TBC1D17: variants seen among roughly 807,000 people sequenced by gnomAD.
TBC1D17 encodes TBC1 domain family member 17.
Under a neutral mutation model 78.8 loss-of-function variants are expected in TBC1D17, and 69 were observed. The ratio of observed to expected loss-of-function variants is 0.88; its 90% confidence interval spans 0.72 to 1.07. The LOEUF is 1.07. TBC1D17 is among the 50% of genes least tolerant of loss of function. TBC1D17 has a pLI of 0.00. For missense variants in TBC1D17, 957 were observed against 861.0 expected (o/e 1.11, Z -1.39); for synonymous variants, 456 against 358.3 (o/e 1.27, Z -3.08).
rs913989839 is a variant in TBC1D17, at chr19:49,888,283, C to G, written c.1712C>G (p.Ala571Gly). Residue 571 changes from alanine (A) to glycine (G), a missense_variant, in exon 16 of 17, where the codon GCC (alanine) becomes GGC (glycine). Ala to Gly is a moderately conservative substitution (Grantham distance 60). Transcript: ENST00000221543. ...KLSVEDVLTR[A>G]EALHRQLTAC... Reference sequence around the variant, plus strand: ...AGCGTGGAGGACGTGCTGACCCGCGCCGAGGCCCTGCACCGCCAGCTAACC... The same window carrying G: ...AGCGTGGAGGACGTGCTGACCCGCGGCGAGGCCCTGCACCGCCAGCTAACC... 4 of 1,592,810 alleles carry G rather than the reference C, an allele frequency of 2.5e-6. No homozygotes were observed. The South Asian group carries it at 4.6e-5, about 18-fold the overall frequency.
chr19:49,888,718 C>A lies in TBC1D17; in HGVS notation c.*94C>A. ...TGTGCTCCGCCGCCCTGCTGATAAG[C>A]TGGCTTCATTAAACTGACACTTCTC... is the stretch of plus-strand genomic sequence containing the variant. On this transcript the variant is annotated 3_prime_UTR_variant, in exon 17 of 17. Transcript: ENST00000221543. The A allele has an allele frequency of 1.7e-6, 2 of 1,192,098 alleles. No homozygotes were observed. Among genetic ancestry groups the A allele is most frequent in the Non-Finnish European group, 2.3e-6 (2 of 875,212 alleles). The allele number at this position is 1,192,098 out of a possible 1,614,324, so 73.8% of individuals were successfully genotyped here.
intron 4 of TBC1D17, 150 bp from the exon 5 acceptor site, chr19:49,881,118 C>T: frequency 1.5e-6 from 1 of 657,298 alleles, no homozygotes; most frequent in Non-Finnish European, 2.6e-6. Flanking sequence ...CTCATTTGTG[C>T]TTCCAAGGAA....
chr19:49,887,259 G>A, intron 13 of TBC1D17: 1 of 559,948 alleles, frequency 1.8e-6, no homozygotes, highest in Non-Finnish European at 3.2e-6. Context: ...CATGTCCATG[G>A]CAGATGTGGA....
At position 49,884,550 on chromosome 19, in the gene TBC1D17, G is replaced by A. The variant is rs1465487739; in HGVS notation, c.1335G>A (p.Met445Ile). Residue 445 changes from methionine to isoleucine, a missense_variant, in exon 12 of 17, where the codon ATG becomes ATA. Met to Ile is a conservative substitution (Grantham distance 10). Coordinates refer to ENST00000221543, the MANE Select transcript of TBC1D17 (RefSeq NM_024682.3). ...VDAFWCFCGF[M>I]ELVQGNFEES... The stretch of plus-strand genomic sequence containing the variant: ...CTTTCTGGTGTTTCTGTGGCTTCAT[G>A]GAGCTCGTGGTGAGGCTTGGGTCAG... 1.2e-6 allele frequency: 2 copies of A among 1,614,066 alleles called. No homozygotes were observed. Among genetic ancestry groups the A allele is most frequent in the East Asian group, 2.2e-5 (1 of 44,904 alleles).
rs781414187 is a variant in TBC1D17 at position 49,882,969 on chromosome 19, C to T, written c.928-4C>T. On this transcript the variant is annotated splice_region_variant and splice_polypyrimidine_tract_variant and intron_variant, in intron 8 of 16. Transcript: ENST00000221543. The stretch of plus-strand genomic sequence containing the variant: ...CTGAGCTGCCTGCCCTCCTGCACCC[C>T]CAGGGTCTGAGCCCCAGCCTGCGGC... 9 of 1,607,312 alleles carry T rather than the reference C, an allele frequency of 5.6e-6. No homozygotes were observed. In the East Asian group the frequency reaches 1.8e-4, roughly 32 times the overall value.
Position 49,884,518 on chromosome 19 carries a change from G to T in TBC1D17, c.1303G>T (p.Val435Leu). 3.1e-6 allele frequency: 5 copies of T among 1,614,204 alleles called. No individual in the cohort carries two copies. Among genetic ancestry groups the T allele is most frequent in the Non-Finnish European group, 4.2e-6 (5 of 1,180,046 alleles). ...SPILYVIQNE[V>L]DAFWCFCGFM... ...GATCCTCTACGTCATTCAGAACGAGGTGGATGCTTTCTGGTGTTTCTGTGG... is the reference window on the plus strand; with the variant it reads ...GATCCTCTACGTCATTCAGAACGAGTTGGATGCTTTCTGGTGTTTCTGTGG... Residue 435 changes from valine to leucine, a missense_variant, in exon 12 of 17, where the codon GTG becomes TTG. Coordinates refer to ENST00000221543, the MANE Select transcript of TBC1D17 (RefSeq NM_024682.3).
Position 49,882,655 on chromosome 19 carries a change from T to G in TBC1D17, c.799-109T>G, listed in dbSNP as rs112778500. 4.3e-5 allele frequency: 61 copies of G among 1,427,544 alleles called. No homozygotes were observed. The Admixed American group carries it at 5.8e-4, about 14-fold the overall frequency. The allele number at this position is 1,427,544 out of a possible 1,614,324, so 88.4% of individuals were successfully genotyped here. A position where few individuals can be genotyped will look rare whatever the true frequency, so the allele number is the denominator to read the frequency against. On this transcript the variant is annotated intron_variant, in intron 7 of 16. Coordinates refer to ENST00000221543, the MANE Select transcript of TBC1D17 (RefSeq NM_024682.3). ...GAAGAGGCTGCTGCCTGCCCCTGAA[T>G]GTTAGTCATCCGTCAAGCTAATAAG... is the stretch of plus-strand genomic sequence containing the variant.
At position 49,883,062 on chromosome 19, in the gene TBC1D17, C is replaced by T; in HGVS notation, c.1017C>T (p.His339=). 1 of 1,608,344 alleles carries T rather than the reference C, an allele frequency of 6.2e-7. No homozygotes were observed. Among genetic ancestry groups the T allele is most frequent in the Non-Finnish European group, 8.5e-7 (1 of 1,177,064 alleles). ...GCACAGCTGAGGAGCACAAGGCCCA[C>T]ATACGCAAGAAAACGTGAGTTCTCA... is the stretch of plus-strand genomic sequence containing the variant. ...WEGTAEEHKA[H]IRKKTDEYFR... The change falls in exon 9 of 17, where the codon CAC becomes CAT. Residue 339 remains histidine (H), a synonymous_variant. Transcript: ENST00000221543.
In TBC1D17 at chr19:49,881,327, A is replaced by G; in HGVS notation, c.379A>G (p.Lys127Glu). 1 of 1,613,138 alleles carries G rather than the reference A, an allele frequency of 6.2e-7. No homozygotes were observed. Among genetic ancestry groups the G allele is most frequent in the South Asian group, 1.1e-5 (1 of 91,078 alleles). The change falls in exon 5 of 17, where the codon AAG (lysine) becomes GAG (glutamate). Residue 127 changes from lysine to glutamate, a missense_variant. Transcript: ENST00000221543. The part of the protein sequence containing the change: ...WAFSVSLGEL[K>E]SIRRSKPGLS... ...CTTCTCAGTGAGTCTGGGGGAGCTA[A>G]AGTCCATCCGCCGCTCCAAGCCAGG...
Position 49,888,595 on chromosome 19 carries a change from G to C in TBC1D17, c.1918G>C (p.Glu640Gln), listed in dbSNP as rs979575519. The C allele has an allele frequency of 1.4e-6, 2 of 1,379,330 alleles. No homozygotes were observed. Among genetic ancestry groups the C allele is most frequent in the Middle Eastern group, 3.9e-4 (2 of 5,086 alleles). The allele number at this position is 1,379,330 out of a possible 1,614,324, so 85.4% of individuals were successfully genotyped here. ...QPDSSLEILP[E>Q]EEDEGADS ...CGACAGCAGCCTGGAGATCCTGCCC[G>C]AGGAGGAGGACGAGGGCGCCGACTC... Residue 640 changes from glutamate to glutamine, a missense_variant, in exon 17 of 17, where the codon GAG becomes CAG. Transcript: ENST00000221543.
intron 2 of TBC1D17, 97 bp downstream of exon 2, chr19:49,878,338 G>A: frequency 1.5e-6 from 2 of 1,292,752 alleles, no homozygotes; most frequent in Non-Finnish European, 1.1e-6. Flanking sequence ...CTGGCGGTCA[G>A]CAGTGGGACC....
intron 13 of TBC1D17, chr19:49,887,186 G>A (rs915004100): frequency 2.3e-6 from 1 of 436,086 alleles, no homozygotes; most frequent in Non-Finnish European, 4.3e-6. Context: ...AGTTCCCTTA[G>A]CGCTCACCAG....
chr19:49,878,427 A>G (rs2074979410), intron 2 of TBC1D17, 71 bp from the exon 3 acceptor site: 1 of 1,487,356 alleles, frequency 6.7e-7, no homozygotes, highest in African/African-American at 1.4e-5. Context: ...AAAGTTTGGA[A>G]ATTTGCAACG....
chr19:49,887,694 C>T (rs2075070541), intron 14 of TBC1D17, 24 bp from the exon 15 acceptor site: 1 of 1,611,968 alleles, frequency 6.2e-7, no homozygotes, highest in Non-Finnish European at 8.5e-7. Flanking sequence ...GACCTCCCTC[C>T]CTCCCTCTGT....
At position 49,877,751 on chromosome 19, in the gene TBC1D17, A is replaced by G. The variant is rs1276036243; in HGVS notation, c.21+7A>G. On this transcript the variant is annotated splice_region_variant and intron_variant, in intron 1 of 16. Transcript: ENST00000221543. ...GGAAGGAGCCGGCTACAGGGTAAGC[A>G]CTGAGGACGCATTCCCTCGCTTCAG... 3.8e-6 allele frequency: 6 copies of G among 1,592,732 alleles called. No individual in the cohort carries two copies. Among genetic ancestry groups the G allele is most frequent in the Non-Finnish European group, 4.3e-6 (5 of 1,170,396 alleles).
Position 49,888,263 on chromosome 19 carries a change from G to T in TBC1D17, c.1692G>T (p.Val564=). Residue 564 remains valine (V), a synonymous_variant, in exon 16 of 17, where the codon GTG becomes GTT. Coordinates refer to ENST00000221543, the MANE Select transcript of TBC1D17 (RefSeq NM_024682.3). ...ACGAGCTGACTATGAAGCTGAGCGT[G>T]GAGGACGTGCTGACCCGCGCCGAGG... ...HINELTMKLS[V]EDVLTRAEAL... is the part of the protein sequence containing the mutation. The T allele has an allele frequency of 6.3e-7, 1 of 1,594,076 alleles. No individual in the cohort carries two copies. Among genetic ancestry groups the T allele is most frequent in the East Asian group, 2.3e-5 (1 of 44,060 alleles).
chr19:49,885,125 G>A, intron 13 of TBC1D17: 1 of 280,938 alleles, frequency 3.6e-6, no homozygotes, highest in East Asian at 8.7e-5. Flanking sequence ...GGGCCCTGGG[G>A]CTGGGGGTGC....
intron 15 of TBC1D17, 52 bp downstream of exon 15, chr19:49,887,886 C>G: frequency 7.0e-7 from 1 of 1,437,068 alleles, no homozygotes. Context: ...GGGCGCTGCC[C>G]AGGGCCGCAG....
chr19:49,884,192 GC>G, intron 10 of TBC1D17, 60 bp from the exon 11 acceptor site: 1 of 1,486,024 alleles, frequency 6.7e-7, no homozygotes, highest in Non-Finnish European at 9.4e-7. Flanking sequence ...GGCACTGGTG[GC>G]CAGCAGGGAT....
Sources: gnomAD v4.1 joint callset for allele counts on GRCh38, gnomAD v4.1.1 for gene constraint, MANE v1.5 for transcripts, NCBI Gene and HGNC (gene_info 2026-07-23, HGNC 2026-07-21) for gene names.